OR56A3: variants seen among roughly 807,000 people sequenced by gnomAD.
OR56A3 encodes the protein olfactory receptor 56A3.
In OR56A3, 23 loss-of-function variants were observed where a neutral mutation model predicts 17.5. The ratio of observed to expected loss-of-function variants is 1.32; its 90% CI spans 0.95 to 1.87. OR56A3 has a LOEUF of 1.87. OR56A3 is among the 40% of genes most tolerant of loss of function. OR56A3 has a pLI of 0.00. For synonymous variants in OR56A3, 175 were observed against 150.6 expected, an observed-to-expected ratio of 1.16 and a Z score of -1.19; for missense variants, 366 against 380.1, an observed-to-expected ratio of 0.96 and a Z score of 0.31.
At chr11:5,968,160 G>C in the OR56A3 span, 3 of 1,614,092 alleles carry the variant, frequency 1.9e-6, no homozygotes, top group Admixed American at 1.7e-5. Flanking sequence ...GGACTCCATA[G>C]TCAGAAAACT....
Position 5,950,673 on chromosome 11 carries a change from A to G in OR56A3, c.*2379A>G, listed in dbSNP as rs1178836045. On this transcript the variant is annotated 3_prime_UTR_variant, in exon 3 of 3. Transcript: ENST00000641160. ...TATTTTATTTAGTCCAACATATCCA[A>G]AATATTATCATTTCAACACATAACA... 6.6e-6 allele frequency: 1 copy of G among 152,142 alleles called. No individual in the cohort carries two copies. Among genetic ancestry groups the G allele is most frequent in the South Asian group, 2.1e-4 (1 of 4,836 alleles). 9.4% of individuals were successfully genotyped at this position (152,142 alleles called of 1,614,324 possible). A position where few individuals can be genotyped will look rare whatever the true frequency, so the allele number is the denominator to read the frequency against.
the OR56A3 span, among the ~76,000 whole-genome samples, chr11:5,992,012 G>A: frequency 4.6e-5 from 7 of 152,164 alleles, no homozygotes; most frequent in Non-Finnish European, 8.8e-5. Context: ...CACGTGGACC[G>A]TGTCTGTCCA....
chr11:5,945,496 C>T (rs771556429), intron 2 of OR56A3, among the ~76,000 whole-genome samples: 1 of 148,922 alleles, frequency 6.7e-6, no homozygotes, highest in African/African-American at 2.5e-5. Context: ...GCGGGAGAAT[C>T]GCTTGAACCT....
the OR56A3 span, among the ~76,000 whole-genome samples, chr11:6,018,192 A>C: frequency 6.6e-6 from 1 of 152,148 alleles, no homozygotes; most frequent in Non-Finnish European, 1.5e-5. Flanking sequence ...TTATCTAGAC[A>C]GAAAGTCAAC....
chr11:5,986,560 G>A, the OR56A3 span: 11 of 1,613,810 alleles, frequency 6.8e-6, no homozygotes, highest in Middle Eastern at 3.3e-4. Flanking sequence ...GGAGGAGAAT[G>A]CATGGATGAA....
At chr11:5,993,390 T>G in the OR56A3 span, among the ~76,000 whole-genome samples, 1 of 152,186 alleles carries the variant, frequency 6.6e-6, no homozygotes, top group Non-Finnish European at 1.5e-5. Flanking sequence ...TACAGCCATC[T>G]CTAGAAAGAT....
the OR56A3 span, chr11:6,003,248 A>G: frequency 9.8e-6 from 7 of 716,918 alleles, no homozygotes; most frequent in Non-Finnish European, 1.5e-5. Flanking sequence ...GGAGTAATTA[A>G]TATTGTTATC....
At chr11:6,011,221 TAC>T in the OR56A3 span, among the ~76,000 whole-genome samples, 89 of 149,148 alleles carry the variant, frequency 6.0e-4, no homozygotes, top group Middle Eastern at 3.5e-3. Flanking sequence ...TATATATATA[TAC>T]ACACATATAT....
chr11:5,992,350 C>G, the OR56A3 span, among the ~76,000 whole-genome samples: 2 of 152,196 alleles, frequency 1.3e-5, no homozygotes, highest in South Asian at 4.1e-4. Context: ...GGCTCCCTTT[C>G]TTCAATCTTA....
At position 5,947,887 on chromosome 11, in the gene OR56A3, T is replaced by C; in HGVS notation, c.541T>C (p.Cys181Arg). The stretch of plus-strand genomic sequence containing the variant: ...TTGTGGAAGAAATGTCATTGAGAAC[T>C]GCATCTGTGCCAATATGTCTGTTTC... The part of the protein sequence containing the change: ...RYCGRNVIEN[C>R]ICANMSVSRL... The change falls in exon 3 of 3, where the codon TGC (cysteine) becomes CGC (arginine). Residue 181 changes from cysteine (C) to arginine (R), a missense_variant. Physicochemically the swap from Cys to Arg is radical, Grantham distance 180. Transcript: ENST00000641160. The C allele has an allele frequency of 6.2e-7, 1 of 1,614,226 alleles. No individual in the cohort carries two copies. The highest frequency in any genetic ancestry group is 8.5e-7 in the Non-Finnish European group (1 of 1,180,040).
In OR56A3 at chr11:5,948,476, G is replaced by A; in HGVS notation, c.*182G>A. On this transcript the variant is annotated 3_prime_UTR_variant, in exon 3 of 3. Transcript: ENST00000641160. ...TATCTTCCTTTTCACCCTTTTCTCA[G>A]AAATATTCTTGGCCCTCTCTCGTTT... 3 of 559,956 alleles carry A rather than the reference G, an allele frequency of 5.4e-6. No individual in the cohort carries two copies. Among genetic ancestry groups the A allele is most frequent in the Non-Finnish European group, 9.4e-6 (3 of 317,800 alleles). The allele number at this position is 559,956 out of a possible 1,614,324, so 34.7% of individuals were successfully genotyped here.
the OR56A3 span, among the ~76,000 whole-genome samples, chr11:5,988,229 G>A: frequency 1.3e-5 from 2 of 152,048 alleles, no homozygotes; most frequent in African/African-American, 4.8e-5. Flanking sequence ...TATTGATTAT[G>A]TTCAGAGCAC....
the OR56A3 span, among the ~76,000 whole-genome samples, chr11:5,995,287 A>T: frequency 4.6e-5 from 7 of 152,248 alleles, no homozygotes; most frequent in Admixed American, 4.6e-4. Context: ...CTAAATCTTC[A>T]AAATCAGATG....
At chr11:5,995,110 C>T in the OR56A3 span, 1 of 587,404 alleles carries the variant, frequency 1.7e-6, no homozygotes, top group East Asian at 3.0e-5. Context: ...CTGGACGCAG[C>T]CCAGGGACCG....
the OR56A3 span, among the ~76,000 whole-genome samples, chr11:5,959,567 T>C: frequency 6.6e-6 from 1 of 152,218 alleles, no homozygotes; most frequent in Non-Finnish European, 1.5e-5. Flanking sequence ...TTATCAGATA[T>C]ATATTTCACA....
intron 2 of OR56A3, among the ~76,000 whole-genome samples, chr11:5,945,608 T>G (rs1353775912): frequency 1.3e-5 from 2 of 149,940 alleles, no homozygotes; most frequent in Non-Finnish European, 1.5e-5. Flanking sequence ...AAAAAATTAT[T>G]TCTTGGGTCT....
the OR56A3 span, among the ~76,000 whole-genome samples, chr11:6,013,997 C>A: frequency 1.3e-5 from 2 of 152,208 alleles, no homozygotes; most frequent in Non-Finnish European, 2.9e-5. Flanking sequence ...CCACCACTGC[C>A]ACTACCAGTA....
chr11:5,943,124 C>T (rs2134359410), intron 1 of OR56A3, among the ~76,000 whole-genome samples: 1 of 152,288 alleles, frequency 6.6e-6, no homozygotes, highest in South Asian at 2.1e-4. Context: ...AGATGCTTTA[C>T]TTCTAGGGAT....
At chr11:5,994,692 G>A in the OR56A3 span, 34 of 827,748 alleles carry the variant, frequency 4.1e-5, no homozygotes, top group Middle Eastern at 6.8e-4. Context: ...GCAGCAAGAC[G>A]GGCATTGTCG....
Sources: gnomAD v4.1 joint callset for allele counts (sites outside exome capture counted in the v4.1 genomes callset) on GRCh38, gnomAD v4.1.1 for gene constraint, MANE v1.5 for transcripts, NCBI Gene and HGNC (gene_info 2026-07-23, HGNC 2026-07-21) for gene names.